The following PSKH1 variants were observed in gnomAD, a reference collection of about 807,000 sequenced individuals.
The protein encoded by PSKH1 is serine/threonine-protein kinase H1.
PSKH1 carries 12 observed loss-of-function variants against 26.7 expected under a neutral mutation model. The observed-to-expected ratio is 0.45, with a 90% confidence interval of 0.29 to 0.73. PSKH1 has a LOEUF of 0.73. PSKH1 is among the 30% of genes least tolerant of loss of function. The probability of loss-of-function intolerance (pLI) is 0.11; values close to 1 mark genes in which losing one functional copy is unlikely to be tolerated. For synonymous variants in PSKH1, 213 were observed against 234.3 expected, an observed-to-expected ratio of 0.91 and a Z score of 0.83; for missense variants, 431 against 595.2, an observed-to-expected ratio of 0.72 and a Z score of 2.87.
chr16:67,900,614 C>T (rs2058138952), intron 1 of PSKH1, among the ~76,000 whole-genome samples: 2 of 152,116 alleles, frequency 1.3e-5, no homozygotes, highest in African/African-American at 2.4e-5. Context: ...TGGTCACCAC[C>T]GTCTGAGTGG....
chr16:67,918,844 G>A (rs961315571), intron 2 of PSKH1, among the ~76,000 whole-genome samples: 1 of 152,054 alleles, frequency 6.6e-6, no homozygotes, highest in Admixed American at 6.6e-5. Flanking sequence ...TGCCTGCCTT[G>A]GCCTCCCAAA....
rs35552721 is a variant in PSKH1 at position 67,909,651 on chromosome 16, A to G, written c.902A>G (p.Asn301Ser). The G allele has an allele frequency of 2.9e-5, 46 of 1,613,614 alleles. No homozygotes were observed. The highest frequency in any genetic ancestry group is 3.3e-5 in the Admixed American group (2 of 60,002). Residue 301 changes from asparagine to serine, a missense_variant, in exon 2 of 3, where the codon AAC becomes AGC. Asn to Ser is a conservative substitution (Grantham distance 46, BLOSUM62 1). Coordinates refer to ENST00000291041, the MANE Select transcript of PSKH1 (RefSeq NM_006742.3). This position sits in a 1 kb window ranked among gnomAD's most constrained non-coding sequence, Gnocchi z 7.8. ...GGCACCATGCCGTTTGAGGATGACAACCGTACCCGGCTGTACCGGCAGATC... is the reference window on the plus strand; with the variant it reads ...GGCACCATGCCGTTTGAGGATGACAGCCGTACCCGGCTGTACCGGCAGATC... Reference protein sequence around the residue: ...LSGTMPFEDDNRTRLYRQILR... With the variant: ...LSGTMPFEDDSRTRLYRQILR...
chr16:67,924,510 G>T (rs948432626), intron 2 of PSKH1, among the ~76,000 whole-genome samples: 5 of 152,248 alleles, frequency 3.3e-5, no homozygotes, highest in African/African-American at 1.2e-4. Context: ...GACTGGTTTG[G>T]AGTTTCAGGT....
Position 67,927,645 on chromosome 16 carries a change from C to T in PSKH1, c.*3C>T, listed in dbSNP as rs201667073. ...ACCAGCAGCAATACAATGGCTGAGC[C>T]GCCTGGCTGTGCACACATGCAGCAC... On this transcript the variant is annotated 3_prime_UTR_variant, in exon 3 of 3. Transcript: ENST00000291041. The surrounding 1 kb of genome is among the most constrained non-coding windows in gnomAD (Gnocchi z 5.5). 3.4e-4 allele frequency: 547 copies of T among 1,597,588 alleles called. No individual in the cohort carries two copies. Among genetic ancestry groups the T allele is most frequent in the Non-Finnish European group, 4.0e-4 (472 of 1,176,090 alleles).
At chr16:67,894,518 G>T (rs989310594) in intron 1 of PSKH1, among the ~76,000 whole-genome samples, 3 of 152,162 alleles carry the variant, frequency 2.0e-5, no homozygotes, top group African/African-American at 7.2e-5. Flanking sequence ...CCACCTACCA[G>T]TGTTGGAAAC....
intron 2 of PSKH1, among the ~76,000 whole-genome samples, chr16:67,923,919 A>T (rs957607512): frequency 2.0e-5 from 3 of 152,096 alleles, no homozygotes; most frequent in Non-Finnish European, 4.4e-5. Context: ...GCTGGCGTTG[A>T]GTGCTTTCTT....
In PSKH1 at chr16:67,908,740, C is replaced by T. The variant is rs572446178; in HGVS notation, c.-10C>T. On this transcript the variant is annotated 5_prime_UTR_variant, in exon 2 of 3. Coordinates refer to ENST00000291041, the MANE Select transcript of PSKH1 (RefSeq NM_006742.3). ...CCAGCCTCGCTGGAGAGGATGCCCT[C>T]GTGTCCGTGATGGGCTGTGGGACAA... 4.0e-5 allele frequency: 62 copies of T among 1,565,038 alleles called. No homozygotes were observed. The highest frequency in any genetic ancestry group is 5.4e-5 in the African/African-American group (4 of 74,254).
intron 2 of PSKH1, among the ~76,000 whole-genome samples, chr16:67,910,865 G>T (rs1048237352): frequency 5.3e-5 from 8 of 152,218 alleles, no homozygotes; most frequent in East Asian, 1.9e-4. Flanking sequence ...CTTCTTGTGC[G>T]CCAGCAAACA....
At chr16:67,915,206 A>AGAGTGT (rs750233586) in intron 2 of PSKH1, among the ~76,000 whole-genome samples, 2 of 144,624 alleles carry the variant, frequency 1.4e-5, no homozygotes, top group South Asian at 4.4e-4. Flanking sequence ...AGAGAGAGAG[A>AGAGTGT]GAGTGTGTGT....
chr16:67,915,805 CAG>C (rs2058186256), intron 2 of PSKH1, among the ~76,000 whole-genome samples: 1 of 152,220 alleles, frequency 6.6e-6, no homozygotes, highest in East Asian at 1.9e-4. Flanking sequence ...GACACTAGGA[CAG>C]GCATTTTTTG....
intron 1 of PSKH1, among the ~76,000 whole-genome samples, chr16:67,896,949 CATA>C (rs2058128336): frequency 1.3e-5 from 2 of 152,272 alleles, no homozygotes; most frequent in South Asian, 4.1e-4. Context: ...AGTTCTCTAT[CATA>C]ATCACAAGTT....
At position 67,903,301 on chromosome 16, in the gene PSKH1, C is replaced by T. The variant is rs115928846; in HGVS notation, c.-70-5379C>T. 1.8e-3 allele frequency among the ~76,000 whole-genome samples: 277 copies of T among 152,146 alleles called. 2 individuals carry two copies. Among genetic ancestry groups the T allele is most frequent in the African/African-American group, 6.5e-3 (270 of 41,440 alleles). On this transcript the variant is annotated intron_variant, in intron 1 of 2. Transcript: ENST00000291041. The stretch of plus-strand genomic sequence containing the variant: ...AGTAGCTGGGATCACAGGCACATGC[C>T]ACCATGTCTGACTCAATTTAAAAAA...
Position 67,927,216 on chromosome 16 carries a change from G to A in PSKH1, c.958-109G>A. On this transcript the variant is annotated intron_variant, in intron 2 of 2. Transcript: ENST00000291041. This position sits in a 1 kb window ranked among gnomAD's most constrained non-coding sequence, Gnocchi z 5.5. The stretch of plus-strand genomic sequence containing the variant: ...AGGCCCCAAGTGCTACATGAGAGGA[G>A]GGGCAGCACCTCTCTCTGGAAAGGG... 2 of 1,156,236 alleles carry A rather than the reference G, an allele frequency of 1.7e-6. No homozygotes were observed. Among genetic ancestry groups the A allele is most frequent in the Non-Finnish European group, 1.2e-6 (1 of 814,828 alleles). 71.6% of individuals were successfully genotyped at this position (1,156,236 alleles called of 1,614,324 possible).
chr16:67,923,430 C>G (rs951190337), intron 2 of PSKH1, among the ~76,000 whole-genome samples: 1 of 152,288 alleles, frequency 6.6e-6, no homozygotes, highest in South Asian at 2.1e-4. Context: ...CCCTCACTCA[C>G]GCAGCAGTGT....
At chr16:67,922,152 G>C (rs1264443464) in intron 2 of PSKH1, among the ~76,000 whole-genome samples, 2 of 152,020 alleles carry the variant, frequency 1.3e-5, no homozygotes, top group Non-Finnish European at 1.5e-5. Context: ...CCAGGATGAT[G>C]GGTTTTTGAC....
At chr16:67,911,291 A>G (rs1016457062) in intron 2 of PSKH1, among the ~76,000 whole-genome samples, 9 of 151,918 alleles carry the variant, frequency 5.9e-5, no homozygotes, top group Non-Finnish European at 1.0e-4. Context: ...TGTGGAGGGG[A>G]AGGAGCTCTG....
chr16:67,894,759 C>G (rs1454149815), intron 1 of PSKH1, among the ~76,000 whole-genome samples: 4 of 152,054 alleles, frequency 2.6e-5, no homozygotes, highest in Admixed American at 1.3e-4. Context: ...TGGATAGATT[C>G]AACTGTATTT....
chr16:67,919,157 A>G (rs1012694896), intron 2 of PSKH1, among the ~76,000 whole-genome samples: 11 of 152,194 alleles, frequency 7.2e-5, no homozygotes, highest in African/African-American at 2.7e-4. Context: ...CCAAATGTAT[A>G]TGCTGGTGGC....
rs750159369 is a variant in PSKH1 at position 67,909,693 on chromosome 16, G to A, written c.944G>A (p.Ser315Asn). 1 of 1,611,352 alleles carries A rather than the reference G, an allele frequency of 6.2e-7. No homozygotes were observed. Among genetic ancestry groups the A allele is most frequent in the Non-Finnish European group, 8.5e-7 (1 of 1,179,804 alleles). ...LYRQILRGKY[S>N]YSGEPWPSVS... ...CGGCAGATCCTCAGGGGCAAGTACA[G>A]TTACTCTGGGGAGGTGAGTCTGTCC... Residue 315 changes from serine (S) to asparagine (N), a missense_variant, in exon 2 of 3, where the codon AGT becomes AAT. Transcript: ENST00000291041. The surrounding 1 kb of genome is among the most constrained non-coding windows in gnomAD (Gnocchi z 7.8).
Sources: allele counts gnomAD v4.1 joint callset (sites outside exome capture counted in the v4.1 genomes callset), GRCh38; gene constraint gnomAD v4.1.1; non-coding constraint Gnocchi (gnomAD v3.1); transcripts MANE v1.5; gene names NCBI Gene and HGNC (gene_info 2026-07-23, HGNC 2026-07-21).